CCDC7: variants seen among roughly 807,000 people sequenced by gnomAD.
The protein encoded by CCDC7 is coiled-coil domain containing 7.
Under a neutral mutation model 196.9 loss-of-function variants are expected in CCDC7, and 183 were observed. The ratio of observed to expected loss-of-function variants is 0.93; its 90% CI spans 0.82 to 1.05. The LOEUF (loss-of-function observed/expected upper bound fraction) is 1.05, where lower values mean the gene tolerates loss of function less well. Among genes scored for constraint, CCDC7 ranks in the 50% least tolerant of loss-of-function variants. The pLI, the probability that CCDC7 is intolerant of heterozygous loss-of-function variation, is 0.00. For missense variants in CCDC7, 1,540 were observed against 1,482.2 expected, an observed-to-expected ratio of 1.04 and a Z score of -0.64; for synonymous variants, 525 against 484.6, an observed-to-expected ratio of 1.08 and a Z score of -1.10.
At chr10:32,549,630 G>A (rs2053128167) in intron 13 of CCDC7, among the ~76,000 whole-genome samples, 1 of 152,096 alleles carries the variant, frequency 6.6e-6, no homozygotes, top group Non-Finnish European at 1.5e-5. Context: ...TCTCCTACAT[G>A]TGTTTAGCCA....
At position 32,605,542 on chromosome 10, in the gene CCDC7, G is replaced by A. The variant is rs531864112; in HGVS notation, c.1801+21238G>A. Among the ~76,000 whole-genome samples the A allele has an allele frequency of 2.6e-5, 4 of 152,322 alleles. No homozygotes were observed. The South Asian group carries it at 8.3e-4, about 32-fold the overall frequency. On this transcript the variant is annotated intron_variant, in intron 18 of 41. Coordinates refer to ENST00000639629, the Ensembl canonical transcript of CCDC7. ...TGGTGATATGGACAGTGAAGTCCAGGCTGAGGAGGTCTCAAGATGCAAATG... is the reference window on the plus strand; with the variant it reads ...TGGTGATATGGACAGTGAAGTCCAGACTGAGGAGGTCTCAAGATGCAAATG...
At chr10:32,640,591 T>C (rs1385671777) in intron 20 of CCDC7, among the ~76,000 whole-genome samples, 2 of 152,218 alleles carry the variant, frequency 1.3e-5, no homozygotes, top group Non-Finnish European at 1.5e-5. Flanking sequence ...TTGATGCAGT[T>C]TCTTCCTAGC....
intron 41 of CCDC7, among the ~76,000 whole-genome samples, chr10:32,874,545 C>T (rs752281114): frequency 3.2e-4 from 49 of 151,398 alleles, no homozygotes; most frequent in East Asian, 9.7e-4. Context: ...ATTTGGTTTC[C>T]GATTCGAATT....
In CCDC7 at chr10:32,498,711, C is replaced by A. The variant is rs145243149; in HGVS notation, c.872+6714C>A. On this transcript the variant is annotated intron_variant, in intron 9 of 41. Transcript: ENST00000639629. Reference sequence around the variant, plus strand: ...TCTTTAAGAATGTTGAATATCGGCCCCCAATCTCTTCTGGCTTGCATGTTT... The same window carrying A: ...TCTTTAAGAATGTTGAATATCGGCCACCAATCTCTTCTGGCTTGCATGTTT... Among the ~76,000 whole-genome samples the A allele has an allele frequency of 7.7e-3, 1,174 of 152,212 alleles. 19 individuals carry two copies. Among genetic ancestry groups the A allele is most frequent in the African/African-American group, 0.025 (1,027 of 41,502 alleles).
At chr10:32,711,677 A>C (rs1334486812) in exon 25 of CCDC7, 1 of 1,597,578 alleles carries the variant, frequency 6.3e-7, no homozygotes, top group Non-Finnish European at 8.5e-7. Flanking sequence ...TCAGTGTCAA[A>C]AATCCAAGTG....
chr10:32,638,119 A>T (rs1052596498), intron 20 of CCDC7, among the ~76,000 whole-genome samples: 1 of 152,252 alleles, frequency 6.6e-6, no homozygotes, highest in South Asian at 2.1e-4. Flanking sequence ...AACAGCTTAA[A>T]GAGATTTTGG....
chr10:32,829,460 C>T (rs571228785), intron 32 of CCDC7, among the ~76,000 whole-genome samples: 1 of 152,280 alleles, frequency 6.6e-6, no homozygotes, highest in East Asian at 1.9e-4. Context: ...GTACTAAGAA[C>T]ATATCTTCAT....
Position 32,475,765 on chromosome 10 carries a change from C to A in CCDC7, c.796+1742C>A, listed in dbSNP as rs190875636. ...TCTGGCCACACTTAATCCTCTCTTC[C>A]CTTCCTGTTTTCTAAATTCTATTAA... On this transcript the variant is annotated intron_variant, in intron 8 of 41. Coordinates refer to ENST00000639629, the Ensembl canonical transcript of CCDC7. 1.3e-4 allele frequency among the ~76,000 whole-genome samples: 20 copies of A among 152,280 alleles called. No individual in the cohort carries two copies. The East Asian group carries it at 3.9e-3, about 29-fold the overall frequency.
chr10:32,515,913 C>T (rs1036901028), intron 9 of CCDC7, among the ~76,000 whole-genome samples: 3 of 152,084 alleles, frequency 2.0e-5, no homozygotes, highest in African/African-American at 7.2e-5. Context: ...AAACTATAGG[C>T]ATTTTAGAAG....
At chr10:32,549,148 T>C (rs549367939) in intron 13 of CCDC7, among the ~76,000 whole-genome samples, 4 of 152,350 alleles carry the variant, frequency 2.6e-5, no homozygotes, top group Admixed American at 6.5e-5. Flanking sequence ...TTGATTTGCA[T>C]TTCCCTGATC....
rs574523081 is a variant in CCDC7, at chr10:32,570,345, C to A, written c.1420-1514C>A. On this transcript the variant is annotated intron_variant, in intron 15 of 41. Transcript: ENST00000639629. ...GACAGTTCTGTTAGTCAGGCTCACA[C>A]CAGGACTAATTGGTCTCTCTCTTTC... 3.3e-5 allele frequency among the ~76,000 whole-genome samples: 5 copies of A among 152,308 alleles called. No individual in the cohort carries two copies. The South Asian group carries it at 1.0e-3, about 32-fold the overall frequency.
intron 24 of CCDC7, among the ~76,000 whole-genome samples, chr10:32,705,494 A>C (rs968899391): frequency 6.6e-6 from 1 of 152,154 alleles, no homozygotes; most frequent in Non-Finnish European, 1.5e-5. Flanking sequence ...TAAATGGGCT[A>C]AATGCCCCAA....
intron 8 of CCDC7, among the ~76,000 whole-genome samples, chr10:32,489,323 T>A (rs2041793295): frequency 6.6e-6 from 1 of 152,168 alleles, no homozygotes; most frequent in African/African-American, 2.4e-5. Flanking sequence ...ATGCAGGCAC[T>A]TGTTGAGTGG....
In CCDC7 at chr10:32,547,577, G is replaced by A. The variant is rs540176517; in HGVS notation, c.1134+3276G>A. On this transcript the variant is annotated intron_variant, in intron 13 of 41. Transcript: ENST00000639629. ...GGATTATTTTAGATTTTTGCCTGCC[G>A]TCTTATTTTATTAAAAAAAAATTTA... Among the ~76,000 whole-genome samples, 44 of 151,112 alleles carry A rather than the reference G, an allele frequency of 2.9e-4. No homozygotes were observed. The South Asian group carries it at 6.0e-3, about 21-fold the overall frequency.
intron 21 of CCDC7, among the ~76,000 whole-genome samples, chr10:32,678,805 A>C (rs2075415394): frequency 6.6e-6 from 1 of 152,060 alleles, no homozygotes; most frequent in South Asian, 2.1e-4. Flanking sequence ...AACTGTTCTT[A>C]TTATCCTTTA....
chr10:32,863,886 AAAAT>A (rs76626663), intron 41 of CCDC7, among the ~76,000 whole-genome samples: 269 of 147,474 alleles, frequency 1.8e-3, no homozygotes, highest in Non-Finnish European at 2.3e-3. Flanking sequence ...GCTAAAAAAC[AAAAT>A]AAATAAATAA....
chr10:32,545,549 G>T (rs995351479), intron 13 of CCDC7, among the ~76,000 whole-genome samples: 1 of 152,140 alleles, frequency 6.6e-6, no homozygotes, highest in African/African-American at 2.4e-5. Flanking sequence ...AATATGCAAA[G>T]CTGAGTGACA....
intron 28 of CCDC7, among the ~76,000 whole-genome samples, chr10:32,734,121 A>G (rs1430432634): frequency 6.6e-6 from 1 of 152,208 alleles, no homozygotes; most frequent in East Asian, 1.9e-4. Flanking sequence ...ATAAACATAC[A>G]TGCATGTGAA....
At chr10:32,487,807 G>T (rs1360761365) in intron 8 of CCDC7, among the ~76,000 whole-genome samples, 1 of 152,204 alleles carries the variant, frequency 6.6e-6, no homozygotes, top group Non-Finnish European at 1.5e-5. Flanking sequence ...GCAGATATTG[G>T]TGAACAGCAA....
Sources: allele counts gnomAD v4.1 joint callset (sites outside exome capture counted in the v4.1 genomes callset), GRCh38; gene constraint gnomAD v4.1.1; transcripts MANE v1.5; gene names NCBI Gene and HGNC (gene_info 2026-07-23, HGNC 2026-07-21).